Variants in TYW1 observed in about 807,000 individuals in gnomAD.
The protein encoded by TYW1 is tRNA-yW synthesizing protein 1 homolog.
TYW1 carries 46 observed loss-of-function variants against 96.2 expected under a neutral mutation model. That is an observed-to-expected ratio of 0.48 (90% CI 0.38 to 0.61). The LOEUF is 0.61. TYW1 is among the 20% of genes least tolerant of loss of function. The probability of loss-of-function intolerance (pLI) is 0.00; values close to 1 mark genes in which losing one functional copy is unlikely to be tolerated. For synonymous variants in TYW1, 274 were observed against 323.0 expected, an observed-to-expected ratio of 0.85 and a Z score of 1.63; for missense variants, 684 against 909.6, an observed-to-expected ratio of 0.75 and a Z score of 3.19.
chr7:67,123,702 G>C (rs1797829686), intron 13 of TYW1, among the ~76,000 whole-genome samples: 2 of 152,188 alleles, frequency 1.3e-5, no homozygotes, highest in South Asian at 4.1e-4. Flanking sequence ...GGGAGTCTGC[G>C]GGTGTTGAAG....
At chr7:67,005,761 T>C (rs1793558775) in intron 3 of TYW1, among the ~76,000 whole-genome samples, 1 of 152,194 alleles carries the variant, frequency 6.6e-6, no homozygotes, top group Admixed American at 6.5e-5. Flanking sequence ...AGTCACGTCA[T>C]CCCTCTGCTT....
In TYW1 at chr7:66,996,857, G is replaced by A; in HGVS notation, c.-122G>A. On this transcript the variant is annotated 5_prime_UTR_variant, in exon 1 of 16. Transcript: ENST00000359626. ...CCTGGCAGTGTCATGGCTGCCCACA[G>A]GTCTGCAGGCACTCGGTACGCCGCT... The A allele has an allele frequency of 6.4e-7, 1 of 1,560,552 alleles. No homozygotes were observed. Among genetic ancestry groups the A allele is most frequent in the Non-Finnish European group, 8.7e-7 (1 of 1,147,658 alleles).
intron 7 of TYW1, among the ~76,000 whole-genome samples, chr7:67,044,665 G>C (rs528081660): frequency 3.3e-5 from 5 of 152,224 alleles, no homozygotes; most frequent in Non-Finnish European, 7.4e-5. Context: ...TGTTGCCCAG[G>C]CTGGAGTGCG....
At chr7:67,062,561 C>T (rs188206765) in intron 9 of TYW1, among the ~76,000 whole-genome samples, 93 of 58,568 alleles carry the variant, frequency 1.6e-3, no homozygotes, top group Admixed American at 7.6e-3. Flanking sequence ...AGCGAGACTC[C>T]GTCTCAAAAA....
chr7:67,147,790 A>T (rs149516829), intron 13 of TYW1, among the ~76,000 whole-genome samples: 1 of 152,150 alleles, frequency 6.6e-6, no homozygotes, highest in Non-Finnish European at 1.5e-5. Flanking sequence ...TTCTCTGCTT[A>T]TAAGGACAAA....
At chr7:67,187,535 C>T (rs1173358419) in intron 14 of TYW1, among the ~76,000 whole-genome samples, 1 of 152,192 alleles carries the variant, frequency 6.6e-6, no homozygotes, top group African/African-American at 2.4e-5. Flanking sequence ...GCTTTGTTAA[C>T]TTACCTGTCA....
At chr7:67,113,645 C>CTTTTT (rs66807566) in intron 12 of TYW1, among the ~76,000 whole-genome samples, 2,821 of 143,316 alleles carry the variant, frequency 0.02, 48 homozygotes, top group Middle Eastern at 0.033. Flanking sequence ...CTTTTTCTTT[C>CTTTTT]TTTTTTTTTT....
At chr7:67,021,790 G>A (rs563228747) in intron 6 of TYW1, among the ~76,000 whole-genome samples, 69 of 152,318 alleles carry the variant, frequency 4.5e-4, no homozygotes, top group African/African-American at 1.7e-3. Flanking sequence ...GATGAAATAG[G>A]TTCCTTTTGG....
At chr7:67,041,438 T>C (rs547962312) in intron 7 of TYW1, among the ~76,000 whole-genome samples, 27 of 152,198 alleles carry the variant, frequency 1.8e-4, no homozygotes, top group Admixed American at 1.4e-3. Flanking sequence ...GTAGGTGGGA[T>C]TATAGCACCC....
chr7:67,102,970 A>T (rs1319481176), intron 12 of TYW1, among the ~76,000 whole-genome samples: 10 of 152,218 alleles, frequency 6.6e-5, no homozygotes, highest in Admixed American at 6.5e-4. Context: ...TTTTTAAAGC[A>T]TCCTTGAAGC....
chr7:67,167,538 G>A (rs1337875567), intron 13 of TYW1, among the ~76,000 whole-genome samples: 1 of 147,692 alleles, frequency 6.8e-6, no homozygotes, highest in African/African-American at 2.5e-5. Context: ...CCTAGACATT[G>A]TGTTGTTTTT....
chr7:67,037,755 C>T (rs953996188), intron 7 of TYW1, among the ~76,000 whole-genome samples: 2 of 151,986 alleles, frequency 1.3e-5, no homozygotes, highest in African/African-American at 4.8e-5. Context: ...ATTGCTTGAG[C>T]CCGGGAATTT....
intron 13 of TYW1, among the ~76,000 whole-genome samples, chr7:67,159,656 T>C (rs1721513928): frequency 6.6e-6 from 1 of 152,132 alleles, no homozygotes; most frequent in Non-Finnish European, 1.5e-5. Flanking sequence ...TTCCCAATCA[T>C]TCAATATAGT....
intron 10 of TYW1, among the ~76,000 whole-genome samples, chr7:67,081,822 C>G (rs182915809): frequency 7.0e-6 from 1 of 142,010 alleles, no homozygotes; most frequent in African/African-American, 2.6e-5. Flanking sequence ...TTCTTCCTTC[C>G]TTTTTTTTGG....
intron 15 of TYW1, among the ~76,000 whole-genome samples, chr7:67,232,525 A>G (rs1801779773): frequency 7.2e-6 from 1 of 138,680 alleles, no homozygotes. Context: ...TGGGCAACAG[A>G]GCATGACTCC....
chr7:67,152,634 C>T (rs1268469358), intron 13 of TYW1, among the ~76,000 whole-genome samples: 2 of 152,152 alleles, frequency 1.3e-5, no homozygotes, highest in African/African-American at 2.4e-5. Flanking sequence ...CAGAGTCTCC[C>T]TCTGTCACCC....
chr7:67,158,082 A>ATTTTTTTTTTTT (rs560215948), intron 13 of TYW1, among the ~76,000 whole-genome samples: 3 of 102,164 alleles, frequency 2.9e-5, no homozygotes, highest in Non-Finnish European at 3.8e-5. Context: ...TTTGCTGAGG[A>ATTTTTTTTTTTT]TTTTTTTTTT....
chr7:67,132,133 A>C (rs1584600398), intron 13 of TYW1, among the ~76,000 whole-genome samples: 1 of 142,572 alleles, frequency 7.0e-6, no homozygotes, highest in Non-Finnish European at 1.5e-5. Flanking sequence ...ACCATCACAC[A>C]GGGTCTTGCT....
At chr7:67,185,881 G>T (rs1456169407) in intron 14 of TYW1, among the ~76,000 whole-genome samples, 1 of 146,896 alleles carries the variant, frequency 6.8e-6, no homozygotes, top group Admixed American at 6.9e-5. Flanking sequence ...AACCCTGTCT[G>T]TGTCATATCA....
Sources: allele counts gnomAD v4.1 joint callset (sites outside exome capture counted in the v4.1 genomes callset), GRCh38; gene constraint gnomAD v4.1.1; transcripts MANE v1.5; gene names NCBI Gene and HGNC (gene_info 2026-07-23, HGNC 2026-07-21).